COL22A1: variants seen among roughly 807,000 people sequenced by gnomAD.
COL22A1 encodes collagen type XXII alpha 1 chain.
In COL22A1, 221 loss-of-function variants were observed where a neutral mutation model predicts 248.9. The observed-to-expected ratio is 0.89, with a 90% CI of 0.80 to 0.99. The LOEUF is 0.99. Ranked by LOEUF, COL22A1 falls within the 50% of genes least tolerant of loss-of-function variation. The pLI is 0.00. For missense variants in COL22A1, 2,240 were observed against 2,179.0 expected (o/e 1.03, Z -0.56); for synonymous variants, 891 against 793.4 (o/e 1.12, Z -2.07).
intron 16 of COL22A1, among the ~76,000 whole-genome samples, chr8:138,770,726 C>A (rs1226312075): frequency 1.3e-5 from 2 of 152,190 alleles, no homozygotes; most frequent in Non-Finnish European, 2.9e-5. Flanking sequence ...CGGCATCACG[C>A]AACCCAGGCT....
intron 12 of COL22A1, among the ~76,000 whole-genome samples, chr8:138,796,177 T>C (rs1263801869): frequency 6.6e-6 from 1 of 152,070 alleles, no homozygotes; most frequent in Non-Finnish European, 1.5e-5. Context: ...ATCTTAAGAG[T>C]AATTTCTTCT....
intron 12 of COL22A1, among the ~76,000 whole-genome samples, chr8:138,785,069 G>A (rs994519329): frequency 6.6e-6 from 1 of 152,188 alleles, no homozygotes; most frequent in African/African-American, 2.4e-5. Context: ...CTACCAGGGA[G>A]TCTACATGGC....
At chr8:138,677,250 C>T (rs756330336) in intron 40 of COL22A1, among the ~76,000 whole-genome samples, 1 of 152,214 alleles carries the variant, frequency 6.6e-6, no homozygotes, top group Non-Finnish European at 1.5e-5. Flanking sequence ...AGTTCCTATG[C>T]TCTAGTTTCC....
chr8:138,782,044 C>T (rs1586731953), intron 12 of COL22A1, among the ~76,000 whole-genome samples: 1 of 152,308 alleles, frequency 6.6e-6, no homozygotes, highest in Middle Eastern at 3.4e-3. Context: ...TAGATTTTAT[C>T]TACAAACATG....
chr8:138,595,411 C>G (rs1817444041), intron 62 of COL22A1, among the ~76,000 whole-genome samples: 2 of 152,072 alleles, frequency 1.3e-5, no homozygotes, highest in Admixed American at 1.3e-4. Flanking sequence ...TGCTCTTGGG[C>G]TAGAAATCCC....
Position 138,807,796 on chromosome 8 carries a change from G to A in COL22A1, c.1466C>T (p.Ala489Val), listed in dbSNP as rs765812007. Residue 489 changes from alanine to valine, a missense_variant, in exon 10 of 65, where the codon GCT (alanine) becomes GTT (valine). Ala to Val is a moderately conservative substitution (Grantham distance 64, BLOSUM62 0). Transcript: ENST00000303045. ...PAGEKGEMGV[A>V]GPMGLPGPKG... ...TGGACCAGGGAGCCCCATGGGGCCA[G>A]CAACTCCCATTTCACCCTAAAAGAA... The A allele has an allele frequency of 6.2e-7, 1 of 1,613,990 alleles. No homozygotes were observed. The highest frequency in any genetic ancestry group is 8.5e-7 in the Non-Finnish European group (1 of 1,179,894).
chr8:138,729,713 C>T (rs1261532771), intron 23 of COL22A1, among the ~76,000 whole-genome samples: 1 of 152,192 alleles, frequency 6.6e-6, no homozygotes, highest in Non-Finnish European at 1.5e-5. Flanking sequence ...CAGGAGGGAA[C>T]AGCCCTCAGG....
chr8:138,730,194 G>A (rs965531139), intron 23 of COL22A1, among the ~76,000 whole-genome samples: 9 of 152,216 alleles, frequency 5.9e-5, no homozygotes, highest in Admixed American at 2.6e-4. Context: ...CCTGCACTCA[G>A]GGTCTGGGAA....
At chr8:138,662,939 C>T (rs1426455767) in intron 42 of COL22A1, among the ~76,000 whole-genome samples, 1 of 150,938 alleles carries the variant, frequency 6.6e-6, no homozygotes. Context: ...TTGCTTGAAC[C>T]CAGGAGGCGG....
At chr8:138,796,442 T>C (rs1337129151) in intron 12 of COL22A1, among the ~76,000 whole-genome samples, 1 of 148,534 alleles carries the variant, frequency 6.7e-6, no homozygotes, top group Non-Finnish European at 1.5e-5. Flanking sequence ...TTTACTATGA[T>C]GTTTGTAAGT....
chr8:138,809,528 C>CTTTTTCTTTTTTTTTTTTTTTTTTTTT (rs1554633655), intron 9 of COL22A1, among the ~76,000 whole-genome samples: 3 of 117,630 alleles, frequency 2.6e-5, no homozygotes, highest in African/African-American at 3.3e-5. Flanking sequence ...TTTTCTTTTT[C>CTTTTTCTTTTTTTTTTTTTTTTTTTTT]TTTTTTTTTT....
chr8:138,834,360 A>C (rs1393754896), intron 4 of COL22A1, among the ~76,000 whole-genome samples: 1 of 151,740 alleles, frequency 6.6e-6, no homozygotes, highest in African/African-American at 2.4e-5. Flanking sequence ...AAAAAAAAAA[A>C]CAGGAAATGG....
chr8:138,716,978 T>A, intron 27 of COL22A1, 109 bp from the exon 28 acceptor site: 1 of 844,134 alleles, frequency 1.2e-6, no homozygotes, highest in Non-Finnish European at 2.0e-6. Flanking sequence ...CCACAACCCT[T>A]AATTTTCAAA....
chr8:138,700,101 C>T lies in COL22A1; in HGVS notation c.2592+11G>A. 1.9e-6 allele frequency: 3 copies of T among 1,613,086 alleles called. No individual in the cohort carries two copies. In the South Asian group the frequency reaches 3.3e-5, roughly 18 times the overall value. On this transcript the variant is annotated intron_variant, in intron 32 of 64. Transcript: ENST00000303045. ...GCACACTGGGCACCCCGAGGCACCG[C>T]TACTACTTACGGGCATCCGTGGATG... is the stretch of plus-strand genomic sequence containing the variant.
intron 3 of COL22A1, among the ~76,000 whole-genome samples, chr8:138,855,618 T>C (rs77558330): frequency 6.6e-6 from 1 of 152,202 alleles, no homozygotes; most frequent in East Asian, 1.9e-4. Flanking sequence ...GCAGTAGCTC[T>C]TTTTGAATCC....
intron 12 of COL22A1, among the ~76,000 whole-genome samples, chr8:138,787,175 C>G (rs1335839410): frequency 6.6e-6 from 1 of 152,022 alleles, no homozygotes; most frequent in Non-Finnish European, 1.5e-5. Flanking sequence ...GGGGAAAAGA[C>G]TAGAGGTTGC....
At chr8:138,760,341 G>A (rs1833372419) in intron 17 of COL22A1, 54 bp from the exon 18 acceptor site, 3 of 1,512,348 alleles carry the variant, frequency 2.0e-6, no homozygotes, top group African/African-American at 1.4e-5. Context: ...ATACGGTGGT[G>A]GGGTGTTGGG....
chr8:138,660,781 C>CAG (rs1491302248), intron 43 of COL22A1, among the ~76,000 whole-genome samples: 2 of 121,352 alleles, frequency 1.6e-5, no homozygotes, highest in East Asian at 4.7e-4. Flanking sequence ...TGCACGCATG[C>CAG]ACACACACAC....
At position 138,902,705 on chromosome 8, in the gene COL22A1, CA is replaced by C. The variant is rs1272959063; in HGVS notation, c.-73+10913del. 8.4e-3 allele frequency among the ~76,000 whole-genome samples: 994 copies of C among 118,130 alleles called. 14 individuals are homozygous for C. Among genetic ancestry groups the C allele is most frequent in the African/African-American group, 0.028 (847 of 30,070 alleles). 77.5% of individuals were successfully genotyped at this position (118,130 alleles called of 152,430 possible). A position where few individuals can be genotyped will look rare whatever the true frequency, so the allele number is the denominator to read the frequency against. Reference sequence around the variant, plus strand: ...TGGGCGACAGAGCAAGACTCCGTCTCAAAAAAAAAAAAATTTATAAATATAT... The same window carrying C: ...TGGGCGACAGAGCAAGACTCCGTCTCAAAAAAAAAAAATTTATAAATATAT... On this transcript the variant is annotated intron_variant, in intron 1 of 64. Coordinates refer to ENST00000303045, the MANE Select transcript of COL22A1 (RefSeq NM_152888.3).
Sources: gnomAD v4.1 joint callset for allele counts (sites outside exome capture counted in the v4.1 genomes callset) on GRCh38, gnomAD v4.1.1 for gene constraint, MANE v1.5 for transcripts, NCBI Gene and HGNC (gene_info 2026-07-23, HGNC 2026-07-21) for gene names.